The following ATG2B variants were observed in gnomAD, a reference collection of about 807,000 sequenced individuals.
The protein encoded by ATG2B is autophagy related 2B, also known as autophagy-related protein 2 homolog B.
A neutral mutation model predicts 241.3 loss-of-function variants in ATG2B; 121 were observed. The observed-to-expected ratio is 0.50, with a 90% CI of 0.43 to 0.58. The LOEUF (loss-of-function observed/expected upper bound fraction) is 0.58, where lower values mean the gene tolerates loss of function less well. Among genes scored for constraint, ATG2B ranks in the 20% least tolerant of loss-of-function variants. The pLI is 0.00. For synonymous variants in ATG2B, 858 were observed against 876.6 expected (o/e 0.98, Z 0.37); for missense variants, 2,306 against 2,491.6 (o/e 0.93, Z 1.59).
chr14:96,361,853 G>A lies in ATG2B; in HGVS notation c.162+962C>T, dbSNP rs535120209. On this transcript the variant is annotated intron_variant, in intron 1 of 41. Transcript: ENST00000359933. Reference sequence around the variant, plus strand: ...TGATAAAATTATATACTGATTTATAGTCTCTAGCACAAATTCGCTTAAGGG... The same window carrying A: ...TGATAAAATTATATACTGATTTATAATCTCTAGCACAAATTCGCTTAAGGG... 1.2e-4 allele frequency among the ~76,000 whole-genome samples: 19 copies of A among 152,218 alleles called. No homozygotes were observed. In the South Asian group the frequency reaches 3.9e-3, roughly 32 times the overall value.
In ATG2B at chr14:96,322,628, C is replaced by A. The variant is rs1485646079; in HGVS notation, c.2648G>T (p.Gly883Val). 8 of 1,612,726 alleles carry A rather than the reference C, an allele frequency of 5.0e-6. No homozygotes were observed. In the Admixed American group the frequency reaches 6.7e-5, roughly 13 times the overall value. Residue 883 changes from glycine (G) to valine (V), a missense_variant, in exon 17 of 42, where the codon GGT becomes GTT. Gly to Val is a moderately radical substitution (Grantham distance 109). Around this residue, in one of 2 missense-constraint regions of ATG2B, gnomAD observed 1,927 missense variants for 2,011.2 expected, o/e 0.96. Transcript: ENST00000359933. ...DGHYQEEEEG[G>V]AHSLKDVCDL... The stretch of plus-strand genomic sequence containing the variant: ...ACAAACATCTTTCAAGGAATGAGCA[C>A]CTCCTTCCTCTTCCTCCTGGTAGTG...
Position 96,322,657 on chromosome 14 carries a change from A to G in ATG2B, c.2619T>C (p.Asp873=), listed in dbSNP as rs1383240573. 6.2e-7 allele frequency: 1 copy of G among 1,613,794 alleles called. No homozygotes were observed. Among genetic ancestry groups the G allele is most frequent in the Non-Finnish European group, 8.5e-7 (1 of 1,179,866 alleles). The part of the protein sequence containing the change: ...RIAAEEEEEN[D]GHYQEEEEGG... Reference sequence around the variant, plus strand: ...CTTCCTCTTCCTCCTGGTAGTGACCATCATTCTCCTCTTCTTCTTCAGCTG... The same window carrying G: ...CTTCCTCTTCCTCCTGGTAGTGACCGTCATTCTCCTCTTCTTCTTCAGCTG... The change falls in exon 17 of 42, where the codon GAT becomes GAC. Residue 873 remains aspartate (D), a synonymous_variant. Transcript: ENST00000359933.
At position 96,290,261 on chromosome 14, in the gene ATG2B, AATT is replaced by A; in HGVS notation, c.5856+172_5856+174del. The stretch of plus-strand genomic sequence containing the variant: ...ACACTGTATTCCACTGCTTTATTCT[AATT>A]ATTTAACACTAAACATTTAAGCAAT... On this transcript the variant is annotated intron_variant, in intron 40 of 41. Transcript: ENST00000359933. The surrounding 1 kb of genome is among the most constrained non-coding windows in gnomAD (Gnocchi z 4.4). 8.0e-7 allele frequency: 1 copy of A among 1,251,746 alleles called. No homozygotes were observed. Among genetic ancestry groups the A allele is most frequent in the Non-Finnish European group, 1.1e-6 (1 of 947,842 alleles). The allele number at this position is 1,251,746 out of a possible 1,614,324, so 77.5% of individuals were successfully genotyped here.
rs370939623 is a variant in ATG2B, at chr14:96,317,008, G to GC, written c.3210+136dup. 2.2e-4 allele frequency: 186 copies of GC among 836,382 alleles called. 2 individuals carry two copies. The African/African-American group carries it at 2.9e-3, about 13-fold the overall frequency. The allele number at this position is 836,382 out of a possible 1,614,324, so 51.8% of individuals were successfully genotyped here. A position where few individuals can be genotyped will look rare whatever the true frequency, so the allele number is the denominator to read the frequency against. Reference sequence around the variant, plus strand: ...CCCAAAGTTGCTATCATCATGGTTTGCCCCAGGACACTGGTCTTCATCAGT... The same window carrying GC: ...CCCAAAGTTGCTATCATCATGGTTTGCCCCCAGGACACTGGTCTTCATCAGT... On this transcript the variant is annotated intron_variant, in intron 20 of 41. Transcript: ENST00000359933.
chr14:96,329,463 GA>G lies in ATG2B; in HGVS notation c.1881+20del. On this transcript the variant is annotated intron_variant, in intron 12 of 41. Transcript: ENST00000359933. ...GGTAGATTTAAAAAATAATCTTAAA[GA>G]AAAAGTATTCAATATTTACCTCTGT... 6.6e-7 allele frequency: 1 copy of G among 1,505,884 alleles called. No homozygotes were observed. Among genetic ancestry groups the G allele is most frequent in the Non-Finnish European group, 8.9e-7 (1 of 1,119,858 alleles). The allele number at this position is 1,505,884 out of a possible 1,614,324, so 93.3% of individuals were successfully genotyped here. A position where few individuals can be genotyped will look rare whatever the true frequency, so the allele number is the denominator to read the frequency against.
chr14:96,344,976 C>T (rs1368598872), intron 3 of ATG2B, among the ~76,000 whole-genome samples: 1 of 151,692 alleles, frequency 6.6e-6, no homozygotes, highest in African/African-American at 2.4e-5. Flanking sequence ...CTTGGGACAA[C>T]GACTAACACT....
intron 3 of ATG2B, 97 bp downstream of exon 3, chr14:96,345,136 C>A: frequency 1.2e-6 from 1 of 849,294 alleles, no homozygotes; most frequent in Non-Finnish European, 1.8e-6. Context: ...TTTAAAAATC[C>A]ATTCCAATGG....
rs1887680971 is a variant in ATG2B at position 96,329,668 on chromosome 14, G to A, written c.1731-34C>T. On this transcript the variant is annotated intron_variant, in intron 11 of 41. Transcript: ENST00000359933. ...AAAAATGCACCATTTAAGATTATTA[G>A]TGTTAAAATGTAACAATTATCCACC... 7 of 1,379,376 alleles carry A rather than the reference G, an allele frequency of 5.1e-6. No homozygotes were observed. The South Asian group carries it at 6.4e-5, about 13-fold the overall frequency. 85.4% of individuals were successfully genotyped at this position (1,379,376 alleles called of 1,614,324 possible).
chr14:96,332,291 T>G lies in ATG2B; in HGVS notation c.1468+14A>C. 1.3e-6 allele frequency: 2 copies of G among 1,593,410 alleles called. No homozygotes were observed. The highest frequency in any genetic ancestry group is 1.7e-6 in the Non-Finnish European group (2 of 1,162,546). Reference sequence around the variant, plus strand: ...CCAGCGGAAACTAACAACAAATGTCTTATTTTTACTTACATGTCTTCTGTA... The same window carrying G: ...CCAGCGGAAACTAACAACAAATGTCGTATTTTTACTTACATGTCTTCTGTA... On this transcript the variant is annotated intron_variant, in intron 10 of 41. Transcript: ENST00000359933.
At chr14:96,338,631 G>T (rs1450540566) in intron 6 of ATG2B, among the ~76,000 whole-genome samples, 1 of 151,986 alleles carries the variant, frequency 6.6e-6, no homozygotes, top group African/African-American at 2.4e-5. Context: ...CCCTATACAA[G>T]AATCAACTCA....
At chr14:96,323,510 C>CT (rs926501693) in intron 16 of ATG2B, among the ~76,000 whole-genome samples, 14 of 152,294 alleles carry the variant, frequency 9.2e-5, no homozygotes, top group Non-Finnish European at 1.5e-4. Flanking sequence ...TGATCACAGG[C>CT]TTTTTTCCTA....
chr14:96,329,349 A>G (rs904857287), intron 12 of ATG2B, 135 bp downstream of exon 12: 2 of 544,456 alleles, frequency 3.7e-6, no homozygotes, highest in African/African-American at 1.9e-5. Context: ...ATAGAACACA[A>G]GTGCAAAAAG....
In ATG2B at chr14:96,311,223, G is replaced by T; in HGVS notation, c.4055C>A (p.Ser1352Tyr). The change falls in exon 28 of 42, where the codon TCT (serine) becomes TAT (tyrosine). Residue 1352 changes from serine to tyrosine, a missense_variant. Physicochemically the swap from Ser to Tyr is moderately radical, Grantham distance 144. Around this residue, in one of 2 missense-constraint regions of ATG2B, gnomAD observed 1,927 missense variants for 2,011.2 expected, o/e 0.96. Transcript: ENST00000359933. ...DVVHIRTCSD[S>Y]CAALMNLIQY... ...AATGAGATTCATTAACGCAGCACAA[G>T]AGTCTGAGCACGTTCTGATATGGAC... 3 of 1,614,028 alleles carry T rather than the reference G, an allele frequency of 1.9e-6. No individual in the cohort carries two copies. The highest frequency in any genetic ancestry group is 2.5e-6 in the Non-Finnish European group (3 of 1,179,928).
intron 1 of ATG2B, among the ~76,000 whole-genome samples, chr14:96,355,885 G>A (rs1333409309): frequency 6.6e-6 from 1 of 152,110 alleles, no homozygotes; most frequent in Admixed American, 6.5e-5. Flanking sequence ...AAACGCGCAT[G>A]AGCTGGCTGA....
intron 5 of ATG2B, among the ~76,000 whole-genome samples, chr14:96,342,414 T>C (rs927031602): frequency 2.6e-5 from 4 of 152,166 alleles, no homozygotes; most frequent in Middle Eastern, 3.4e-3. Context: ...AGGCTATGTG[T>C]ATAAGGCATA....
At position 96,309,498 on chromosome 14, in the gene ATG2B, TCTC is replaced by T; in HGVS notation, c.4255_4257del (p.Glu1419del). 6.2e-7 allele frequency: 1 copy of T among 1,614,028 alleles called. No homozygotes were observed. The highest frequency in any genetic ancestry group is 8.5e-7 in the Non-Finnish European group (1 of 1,179,932). ...GACGAGGTGCCTTGTTGCATGTCGA[TCTC>T]CTCCATAGCATCACTCATCAGATCT... On this transcript the variant is annotated inframe_deletion, in exon 29 of 42. Coordinates refer to ENST00000359933, the MANE Select transcript of ATG2B (RefSeq NM_018036.7).
intron 15 of ATG2B, among the ~76,000 whole-genome samples, chr14:96,325,162 G>A (rs1207645104): frequency 6.6e-6 from 1 of 152,126 alleles, no homozygotes; most frequent in East Asian, 1.9e-4. Context: ...TCTTGATTCT[G>A]CCATTGACTA....
rs569200435 is a variant in ATG2B, at chr14:96,281,920, A to C, written c.*3835T>G. On this transcript the variant is annotated 3_prime_UTR_variant, in exon 42 of 42. Coordinates refer to ENST00000359933, the MANE Select transcript of ATG2B (RefSeq NM_018036.7). Reference sequence around the variant, plus strand: ...CATCCCCAAAGAAGCCTATTACGGTAGTGTGTTGGATGCTTTTTGTATCTC... The same window carrying C: ...CATCCCCAAAGAAGCCTATTACGGTCGTGTGTTGGATGCTTTTTGTATCTC... The C allele has an allele frequency of 6.6e-6, 1 of 152,332 alleles. No individual in the cohort carries two copies. The highest frequency in any genetic ancestry group is 6.5e-5 in the Admixed American group (1 of 15,304). The allele number at this position is 152,332 out of a possible 1,614,324, so 9.4% of individuals were successfully genotyped here.
intron 36 of ATG2B, among the ~76,000 whole-genome samples, chr14:96,294,068 T>C (rs958071783): frequency 3.3e-5 from 5 of 152,248 alleles, no homozygotes; most frequent in Admixed American, 6.5e-5. Flanking sequence ...TATTCCAAGA[T>C]CTTTCCAATT....
Sources: gnomAD v4.1 joint callset for allele counts (sites outside exome capture counted in the v4.1 genomes callset) on GRCh38, gnomAD v4.1.1 for gene constraint, gnomAD v4.1.1 regional missense constraint, Gnocchi (gnomAD v3.1) non-coding constraint, MANE v1.5 for transcripts, NCBI Gene and HGNC (gene_info 2026-07-23, HGNC 2026-07-21) for gene names.